MMEL1: variants seen among roughly 807,000 people sequenced by gnomAD.
MMEL1 encodes the protein membrane metallo-endopeptidase-like 1.
MMEL1 carries 98 observed loss-of-function variants against 117.1 expected under a neutral mutation model. The ratio of observed to expected loss-of-function variants is 0.84; its 90% CI spans 0.71 to 0.99. The LOEUF (loss-of-function observed/expected upper bound fraction) is 0.99, where lower values mean the gene tolerates loss of function less well. MMEL1 is among the 50% of genes least tolerant of loss of function. MMEL1 has a pLI of 0.00. For missense variants in MMEL1, 1,014 were observed against 1,049.1 expected (o/e 0.97, Z 0.46); for synonymous variants, 390 against 415.1 (o/e 0.94, Z 0.74).
Position 2,590,924 on chromosome 1 carries a change from G to T in MMEL1, c.*66C>A. 1 of 1,245,348 alleles carries T rather than the reference G, an allele frequency of 8.0e-7. No individual in the cohort carries two copies. 77.1% of individuals were successfully genotyped at this position (1,245,348 alleles called of 1,614,324 possible). ...GACGTACACTGGGTCGCCGCTAGCT[G>T]CACCTTCGCACAGATGCCTCCGAGC... is the stretch of plus-strand genomic sequence containing the variant. On this transcript the variant is annotated 3_prime_UTR_variant, in exon 24 of 24. Coordinates refer to ENST00000378412, the MANE Select transcript of MMEL1 (RefSeq NM_033467.4).
intron 19 of MMEL1, 135 bp downstream of exon 19, chr1:2,593,679 C>T (rs1644780943): frequency 2.3e-6 from 3 of 1,281,014 alleles, no homozygotes; most frequent in Non-Finnish European, 3.1e-6. Context: ...TCTGCCCCCA[C>T]AGCTCCCTGA....
At chr1:2,599,103 A>C (rs1644892215) in intron 11 of MMEL1, among the ~76,000 whole-genome samples, 1 of 152,268 alleles carries the variant, frequency 6.6e-6, no homozygotes, top group South Asian at 2.1e-4. Context: ...GGAATATTTA[A>C]TTTGAAACTT....
At chr1:2,601,814 C>T (rs972269547) in intron 11 of MMEL1, among the ~76,000 whole-genome samples, 8 of 152,240 alleles carry the variant, frequency 5.3e-5, no homozygotes, top group Admixed American at 1.3e-4. Context: ...TAACCTCCTC[C>T]GCCCTTGGGG....
At position 2,596,594 on chromosome 1, in the gene MMEL1, G is replaced by A. The variant is rs747823892; in HGVS notation, c.1368C>T (p.Val456=). The change falls in exon 14 of 24, where the codon GTC becomes GTT. Residue 456 remains valine, a synonymous_variant. Coordinates refer to ENST00000378412, the MANE Select transcript of MMEL1 (RefSeq NM_033467.4). The part of the protein sequence containing the change: ...NMENAVGSLY[V]REAFPGDSKS... ...TGCTGTCTCCAGGGAACGCCTCCCT[G>A]ACGTAGAGGGAGCCCACGGCGTTCT... is the stretch of plus-strand genomic sequence containing the variant. 5.3e-5 allele frequency: 85 copies of A among 1,612,566 alleles called. No homozygotes were observed. The Admixed American group carries it at 5.7e-4, about 11-fold the overall frequency.
intron 6 of MMEL1, among the ~76,000 whole-genome samples, chr1:2,608,150 G>A (rs1645059423): frequency 6.6e-6 from 1 of 152,118 alleles, no homozygotes; most frequent in African/African-American, 2.4e-5. Context: ...GACAAGCCCA[G>A]CGCACCCAAG....
At chr1:2,617,471 A>T (rs1645221690) in intron 2 of MMEL1, among the ~76,000 whole-genome samples, 1 of 146,316 alleles carries the variant, frequency 6.8e-6, no homozygotes, top group Admixed American at 6.9e-5. Context: ...GTGGTGGTGC[A>T]TGCCTGTAAT....
chr1:2,605,562 CG>C lies in MMEL1; in HGVS notation c.811del (p.Arg271GlyfsTer76), dbSNP rs750332859. On this transcript the variant is annotated frameshift_variant, in exon 9 of 24. Transcript: ENST00000378412. LOFTEE classifies it high-confidence loss of function. ...REYYFNGGSN[R>X]KVREAYLQFM... is the part of the protein sequence containing the mutation. ...TTGCGGTGAGGACCCACCCACCTTC[CG>C]GTTGCTGCCGCCGTTGAAGTAGTAC... 6.2e-7 allele frequency: 1 copy of C among 1,612,048 alleles called. No individual in the cohort carries two copies. The highest frequency in any genetic ancestry group is 8.5e-7 in the Non-Finnish European group (1 of 1,179,014).
chr1:2,624,879 A>G (rs1048390891), intron 2 of MMEL1, among the ~76,000 whole-genome samples: 3 of 152,222 alleles, frequency 2.0e-5, no homozygotes, highest in African/African-American at 7.2e-5. Flanking sequence ...GCTTACAATC[A>G]TGGCAGAAGG....
In MMEL1 at chr1:2,609,325, C is replaced by T. The variant is rs763280951; in HGVS notation, c.535+14G>A. On this transcript the variant is annotated intron_variant, in intron 6 of 23. Transcript: ENST00000378412. ...GTCCCCTGCCTCGGCCCCTTCCTGG[C>T]GGCCCCCACTCACTCTGGTTCATGC... 21 of 1,606,422 alleles carry T rather than the reference C, an allele frequency of 1.3e-5. No individual in the cohort carries two copies. The highest frequency in any genetic ancestry group is 4.0e-5 in the African/African-American group (3 of 74,792).
intron 4 of MMEL1, among the ~76,000 whole-genome samples, chr1:2,610,675 G>A (rs751756385): frequency 6.6e-6 from 1 of 152,336 alleles, no homozygotes; most frequent in African/African-American, 2.4e-5. Flanking sequence ...CAGGACAGGG[G>A]AGACCCAGGC....
intron 2 of MMEL1, among the ~76,000 whole-genome samples, chr1:2,614,752 A>G (rs1036368612): frequency 4.6e-5 from 7 of 152,008 alleles, no homozygotes; most frequent in East Asian, 1.9e-4. Context: ...CAGACACCAC[A>G]TTATCCTAGA....
At chr1:2,617,587 G>A (rs990405692) in intron 2 of MMEL1, among the ~76,000 whole-genome samples, 2 of 152,114 alleles carry the variant, frequency 1.3e-5, no homozygotes, top group African/African-American at 2.4e-5. Context: ...GCGACAGAGC[G>A]AGATTCTATC....
intron 4 of MMEL1, among the ~76,000 whole-genome samples, chr1:2,610,637 G>C (rs1645110247): frequency 6.6e-6 from 1 of 152,222 alleles, no homozygotes; most frequent in South Asian, 2.1e-4. Context: ...AGAGGGGTTG[G>C]CTTTGCCCCA....
chr1:2,627,130 A>G (rs748558463), intron 2 of MMEL1, among the ~76,000 whole-genome samples: 2 of 152,278 alleles, frequency 1.3e-5, no homozygotes, highest in Non-Finnish European at 2.9e-5. Flanking sequence ...TAAGTCAGAA[A>G]CGGTGACTAC....
rs1570643856 is a variant in MMEL1 at position 2,592,676 on chromosome 1, T to C, written c.2046A>G (p.Gly682=). ...CCACCTTATAGGCTTGCCGCACCCC[T>C]CCGTTGTCAGCAATGTTTTCCCCAA... ...NTLGENIADN[G]GVRQAYKAYL... The change falls in exon 21 of 24, where the codon GGA becomes GGG. Residue 682 remains glycine, a synonymous_variant. Transcript: ENST00000378412. The C allele has an allele frequency of 7.1e-7, 1 of 1,407,954 alleles. No individual in the cohort carries two copies. 87.2% of individuals were successfully genotyped at this position (1,407,954 alleles called of 1,614,324 possible).
chr1:2,600,078 C>T (rs933666029), intron 11 of MMEL1, among the ~76,000 whole-genome samples: 1 of 152,032 alleles, frequency 6.6e-6, no homozygotes, highest in Non-Finnish European at 1.5e-5. Flanking sequence ...AGCAATTCTG[C>T]TGCCTCAGCC....
At chr1:2,604,381 C>T in intron 9 of MMEL1, 100 bp from the exon 10 acceptor site, 1 of 1,497,720 alleles carries the variant, frequency 6.7e-7, no homozygotes, top group South Asian at 1.3e-5. Context: ...ATGGGGAAGC[C>T]CCTAATGCGT....
rs1174692542 is a variant in MMEL1 at position 2,595,501 on chromosome 1, T to TG, written c.1501-143dup. ...CTCTCCCTGTCCTGTGGTGAGGGGC[T>TG]GGGGGGCTCCGGGATCTGGCCCCCA... On this transcript the variant is annotated intron_variant, in intron 15 of 23. Transcript: ENST00000378412. The surrounding 1 kb of genome is among the most constrained non-coding windows in gnomAD (Gnocchi z 4.8). 17 of 693,754 alleles carry TG rather than the reference T, an allele frequency of 2.5e-5. No individual in the cohort carries two copies. Among genetic ancestry groups the TG allele is most frequent in the Non-Finnish European group, 4.0e-5 (16 of 396,132 alleles). The allele number at this position is 693,754 out of a possible 1,614,324, so 43.0% of individuals were successfully genotyped here. A position where few individuals can be genotyped will look rare whatever the true frequency, so the allele number is the denominator to read the frequency against.
intron 2 of MMEL1, 52 bp downstream of exon 2, chr1:2,629,279 G>C (rs1638422568): frequency 1.3e-6 from 2 of 1,494,186 alleles, no homozygotes; most frequent in Non-Finnish European, 1.8e-6. Context: ...GCAGCGGGGC[G>C]AGCGCGGAGA....
Sources: allele counts gnomAD v4.1 joint callset (sites outside exome capture counted in the v4.1 genomes callset), GRCh38; gene constraint gnomAD v4.1.1; non-coding constraint Gnocchi (gnomAD v3.1); transcripts MANE v1.5; gene names NCBI Gene and HGNC (gene_info 2026-07-23, HGNC 2026-07-21).